Variants in TSHZ2 observed in about 807,000 individuals in gnomAD.
TSHZ2 encodes teashirt zinc finger homeobox 2.
Under a neutral mutation model 74.4 loss-of-function variants are expected in TSHZ2, and 21 were observed. The ratio of observed to expected loss-of-function variants is 0.28; its 90% CI spans 0.20 to 0.41. The LOEUF (loss-of-function observed/expected upper bound fraction) is 0.41. TSHZ2 is among the 10% of genes least tolerant of loss of function. The pLI is 1.00. For missense variants in TSHZ2, 1,244 were observed against 1,293.5 expected (o/e 0.96, Z 0.59); for synonymous variants, 540 against 515.3 (o/e 1.05, Z -0.65).
rs143120853 is a variant in TSHZ2 at position 53,324,701 on chromosome 20, C to G, written c.*8+68130C>G. 5.7e-3 allele frequency among the ~76,000 whole-genome samples: 864 copies of G among 152,320 alleles called. 6 individuals carry two copies. Among genetic ancestry groups the G allele is most frequent in the Non-Finnish European group, 9.4e-3 (642 of 68,026 alleles). On this transcript the variant is annotated intron_variant, in intron 2 of 2. Transcript: ENST00000371497. ...ATCACATCACCTCCTCCGTGAAGAC[C>G]TTGCTGACCTCAGGAAGAGCTAGTA...
At chr20:53,262,338 T>G (rs1426766511) in intron 2 of TSHZ2, among the ~76,000 whole-genome samples, 2 of 152,182 alleles carry the variant, frequency 1.3e-5, no homozygotes, top group Admixed American at 1.3e-4. Context: ...GAAATCTCTC[T>G]AACGCATTGA....
rs760264661 is a variant in TSHZ2, at chr20:53,233,189, G to C, written c.41-20310G>C. Among the ~76,000 whole-genome samples the C allele has an allele frequency of 2.6e-5, 4 of 152,200 alleles. No individual in the cohort carries two copies. In the East Asian group the frequency reaches 7.7e-4, roughly 29 times the overall value. ...GTTAAAATGTGGAAGGAAGATCTTG[G>C]AATCAATGAAATGCTATTTGAAAAG... On this transcript the variant is annotated intron_variant, in intron 1 of 2. Transcript: ENST00000371497.
chr20:53,312,415 A>T (rs774751848), intron 2 of TSHZ2, among the ~76,000 whole-genome samples: 6 of 151,862 alleles, frequency 4.0e-5, no homozygotes, highest in Non-Finnish European at 7.4e-5. Context: ...AAAACCCTGA[A>T]TGGCAGTGAT....
intron 1 of TSHZ2, among the ~76,000 whole-genome samples, chr20:52,993,790 G>A (rs572855870): frequency 6.6e-6 from 1 of 152,342 alleles, no homozygotes; most frequent in South Asian, 2.1e-4. Context: ...AATGACACTT[G>A]TGACACATAG....
intron 2 of TSHZ2, among the ~76,000 whole-genome samples, chr20:53,306,567 C>T (rs1978553149): frequency 6.6e-6 from 1 of 152,040 alleles, no homozygotes; most frequent in Admixed American, 6.6e-5. Context: ...TGCTAAGAGC[C>T]TGCATGAAAC....
At chr20:53,119,799 A>G (rs550037143) in intron 1 of TSHZ2, among the ~76,000 whole-genome samples, 1 of 152,334 alleles carries the variant, frequency 6.6e-6, no homozygotes, top group Non-Finnish European at 1.5e-5. Flanking sequence ...ATTGAATGGC[A>G]TAGCTCTTGG....
At chr20:52,988,391 A>T (rs1002008761) in intron 1 of TSHZ2, among the ~76,000 whole-genome samples, 3 of 152,164 alleles carry the variant, frequency 2.0e-5, no homozygotes, top group African/African-American at 4.8e-5. Flanking sequence ...AAGCTTTTAG[A>T]TAGGATACTG....
chr20:53,396,705 G>A (rs1982460561), intron 2 of TSHZ2, among the ~76,000 whole-genome samples: 1 of 152,008 alleles, frequency 6.6e-6, no homozygotes, highest in African/African-American at 2.4e-5. Flanking sequence ...AAATCAGCCA[G>A]GTATAGTGGC....
intron 2 of TSHZ2, among the ~76,000 whole-genome samples, chr20:53,301,201 T>G (rs1991471392): frequency 6.6e-6 from 1 of 152,088 alleles, no homozygotes; most frequent in Admixed American, 6.6e-5. Context: ...CAAGTGATCC[T>G]CCCACCTCAG....
intron 2 of TSHZ2, among the ~76,000 whole-genome samples, chr20:53,485,644 G>A (rs1986271241): frequency 1.3e-5 from 2 of 152,062 alleles, no homozygotes; most frequent in Non-Finnish European, 2.9e-5. Context: ...AAGAGGCGGA[G>A]GTTGTAATGA....
chr20:53,106,399 T>C (rs1343146374), intron 1 of TSHZ2, among the ~76,000 whole-genome samples: 2 of 98,942 alleles, frequency 2.0e-5, no homozygotes, highest in South Asian at 3.7e-4. Flanking sequence ...TTCTTTTTTT[T>C]TTTTTTTTTT....
intron 2 of TSHZ2, among the ~76,000 whole-genome samples, chr20:53,325,774 CT>C (rs1332336970): frequency 1.3e-5 from 2 of 151,852 alleles, no homozygotes; most frequent in South Asian, 4.2e-4. Flanking sequence ...ACTTTAGTAT[CT>C]TTTTTTTGTT....
intron 1 of TSHZ2, among the ~76,000 whole-genome samples, chr20:53,111,675 A>G (rs532328737): frequency 6.6e-6 from 1 of 152,304 alleles, no homozygotes; most frequent in East Asian, 1.9e-4. Flanking sequence ...TCCAAGAGGG[A>G]GTGGAAGACA....
At chr20:53,378,370 A>AT (rs1321326173) in intron 2 of TSHZ2, among the ~76,000 whole-genome samples, 1 of 147,940 alleles carries the variant, frequency 6.8e-6, no homozygotes, top group Non-Finnish European at 1.5e-5. Flanking sequence ...AATAATAATA[A>AT]TAATAATAAT....
chr20:53,394,576 G>A (rs1370637535), intron 2 of TSHZ2, among the ~76,000 whole-genome samples: 1 of 151,908 alleles, frequency 6.6e-6, no homozygotes, highest in East Asian at 1.9e-4. Flanking sequence ...CAGGAATGTG[G>A]TTTAGGTCAA....
At chr20:53,224,235 C>T (rs1200302951) in intron 1 of TSHZ2, among the ~76,000 whole-genome samples, 2 of 152,052 alleles carry the variant, frequency 1.3e-5, no homozygotes, top group Non-Finnish European at 2.9e-5. Context: ...CAAGGAAAAA[C>T]ATTAGCCAGC....
intron 2 of TSHZ2, among the ~76,000 whole-genome samples, chr20:53,340,753 C>G (rs1374728917): frequency 6.6e-6 from 1 of 152,182 alleles, no homozygotes; most frequent in African/African-American, 2.4e-5. Flanking sequence ...AATGTAACAG[C>G]TGTGCCTCTA....
At chr20:53,250,775 G>A (rs1356502811) in intron 1 of TSHZ2, among the ~76,000 whole-genome samples, 4 of 151,658 alleles carry the variant, frequency 2.6e-5, no homozygotes, top group Non-Finnish European at 5.9e-5. Flanking sequence ...CCATTTAGAA[G>A]GACAAAGTAG....
chr20:53,157,600 C>G (rs1456765738), intron 1 of TSHZ2, among the ~76,000 whole-genome samples: 1 of 152,026 alleles, frequency 6.6e-6, no homozygotes, highest in Non-Finnish European at 1.5e-5. Flanking sequence ...AGAAAGTATT[C>G]TCATCATGAA....
Sources: allele counts gnomAD v4.1 joint callset (sites outside exome capture counted in the v4.1 genomes callset), GRCh38; gene constraint gnomAD v4.1.1; transcripts MANE v1.5; gene names NCBI Gene and HGNC (gene_info 2026-07-23, HGNC 2026-07-21).